Variants in MACROD2 observed in about 807,000 individuals in gnomAD.
The protein encoded by MACROD2 is ADP-ribose glycohydrolase MACROD2.
MACROD2 carries 36 observed loss-of-function variants against 70.4 expected under a neutral mutation model. The ratio of observed to expected loss-of-function variants is 0.51; its 90% CI spans 0.39 to 0.68. The LOEUF (loss-of-function observed/expected upper bound fraction) is 0.68, where lower values mean the gene tolerates loss of function less well. Among genes scored for constraint, MACROD2 ranks in the 30% least tolerant of loss-of-function variants. The probability of loss-of-function intolerance (pLI) is 0.00; values close to 1 mark genes in which losing one functional copy is unlikely to be tolerated. For missense variants in MACROD2, 496 were observed against 538.4 expected, an observed-to-expected ratio of 0.92 and a Z score of 0.78; for synonymous variants, 172 against 178.8, an observed-to-expected ratio of 0.96 and a Z score of 0.30.
At chr20:15,771,812 C>T (rs924831840) in intron 8 of MACROD2, among the ~76,000 whole-genome samples, 26 of 151,712 alleles carry the variant, frequency 1.7e-4, no homozygotes, top group African/African-American at 3.6e-4. Flanking sequence ...GGGCCAGGCA[C>T]GGTGGCTCAT....
At chr20:14,944,968 G>T (rs769220623) in intron 5 of MACROD2, among the ~76,000 whole-genome samples, 1 of 152,054 alleles carries the variant, frequency 6.6e-6, no homozygotes, top group Non-Finnish European at 1.5e-5. Flanking sequence ...GCTATTTCTG[G>T]TGTCTCTTCA....
chr20:15,201,924 T>C (rs1488694963), intron 5 of MACROD2, among the ~76,000 whole-genome samples: 3 of 152,182 alleles, frequency 2.0e-5, no homozygotes, highest in African/African-American at 7.2e-5. Flanking sequence ...AGCTGAACAC[T>C]GAATCCCAGT....
chr20:14,684,648 A>ACCCCCCCCCCCCC (rs11467642), intron 4 of MACROD2, among the ~76,000 whole-genome samples, 195 bp from the exon 5 acceptor site: 2 of 134,848 alleles, frequency 1.5e-5, no homozygotes, highest in Non-Finnish European at 3.3e-5. Context: ...ACATAACCTC[A>ACCCCCCCCCCCCC]CCCCCCCCCC....
At chr20:14,744,357 T>G (rs1472867253) in intron 5 of MACROD2, among the ~76,000 whole-genome samples, 1 of 152,208 alleles carries the variant, frequency 6.6e-6, no homozygotes, top group Non-Finnish European at 1.5e-5. Context: ...TTGTATGTAT[T>G]TACCATGTAC....
intron 8 of MACROD2, among the ~76,000 whole-genome samples, chr20:15,548,430 T>G (rs890700833): frequency 2.6e-5 from 4 of 152,160 alleles, no homozygotes; most frequent in African/African-American, 2.4e-5. Flanking sequence ...AATCTCACTC[T>G]GTCACCCCAG....
At chr20:14,926,487 T>C (rs1600834733) in intron 5 of MACROD2, among the ~76,000 whole-genome samples, 1 of 151,550 alleles carries the variant, frequency 6.6e-6, no homozygotes, top group African/African-American at 2.4e-5. Context: ...GAGGCAGAGG[T>C]TGCAGTGAGC....
chr20:15,983,269 A>G (rs180916896), intron 13 of MACROD2, among the ~76,000 whole-genome samples: 70 of 152,342 alleles, frequency 4.6e-4, no homozygotes, highest in African/African-American at 1.6e-3. Context: ...TGAAAGACCT[A>G]TAAGGGGCTT....
chr20:15,107,982 T>G (rs907841928), intron 5 of MACROD2, among the ~76,000 whole-genome samples: 1 of 115,514 alleles, frequency 8.7e-6, no homozygotes, highest in African/African-American at 2.9e-5. Context: ...GAGAGCAAGC[T>G]CTTTTTTTTT....
At chr20:14,859,767 A>T (rs1230339606) in intron 5 of MACROD2, among the ~76,000 whole-genome samples, 1 of 152,148 alleles carries the variant, frequency 6.6e-6, no homozygotes, top group African/African-American at 2.4e-5. Flanking sequence ...TAGCTCTGTA[A>T]ATATCATTTA....
At chr20:14,986,998 A>G (rs1246661410) in intron 5 of MACROD2, among the ~76,000 whole-genome samples, 1 of 152,176 alleles carries the variant, frequency 6.6e-6, no homozygotes, top group East Asian at 1.9e-4. Context: ...CCTGCATACA[A>G]ATGAGGAGTG....
At chr20:15,623,967 G>A (rs1458335456) in intron 8 of MACROD2, among the ~76,000 whole-genome samples, 1 of 152,104 alleles carries the variant, frequency 6.6e-6, no homozygotes, top group Non-Finnish European at 1.5e-5. Flanking sequence ...TGACTCACTC[G>A]ATCACAAAGT....
At chr20:15,297,434 C>A (rs992898392) in intron 6 of MACROD2, among the ~76,000 whole-genome samples, 3 of 152,078 alleles carry the variant, frequency 2.0e-5, no homozygotes, top group African/African-American at 4.8e-5. Flanking sequence ...TTAAGAAGAT[C>A]ACAAAAATCA....
At chr20:14,602,172 G>A (rs1194333149) in intron 4 of MACROD2, among the ~76,000 whole-genome samples, 1 of 152,102 alleles carries the variant, frequency 6.6e-6, no homozygotes, top group Non-Finnish European at 1.5e-5. Flanking sequence ...GCAAAGAGAG[G>A]GGTTCTGTAA....
chr20:15,844,256 G>A (rs1217653000), intron 8 of MACROD2, among the ~76,000 whole-genome samples: 1 of 152,018 alleles, frequency 6.6e-6, no homozygotes, highest in African/African-American at 2.4e-5. Flanking sequence ...AGTTATGAGA[G>A]ATGCTATGGT....
intron 4 of MACROD2, among the ~76,000 whole-genome samples, chr20:14,619,434 GGAGGGAGGGAGGAAGGGA>G (rs1300710400): frequency 2.5e-3 from 8 of 3,174 alleles, no homozygotes; most frequent in East Asian, 7.9e-3. Flanking sequence ...AGGAAGGAAG[GGAGGGAGGGAGGAAGGGA>G]AGGGAGGGGA....
At chr20:15,344,557 A>G (rs2078144203) in intron 6 of MACROD2, among the ~76,000 whole-genome samples, 1 of 152,118 alleles carries the variant, frequency 6.6e-6, no homozygotes, top group South Asian at 2.1e-4. Flanking sequence ...TTTTTCGTAT[A>G]GAAACAATTA....
At chr20:14,437,559 A>ACTC (rs1278397314) in intron 3 of MACROD2, among the ~76,000 whole-genome samples, 1 of 152,080 alleles carries the variant, frequency 6.6e-6, no homozygotes, top group Non-Finnish European at 1.5e-5. Flanking sequence ...ATGCCATTGT[A>ACTC]CTCCAGCCTG....
chr20:15,570,511 G>A (rs1023574249), intron 8 of MACROD2, among the ~76,000 whole-genome samples: 1 of 152,146 alleles, frequency 6.6e-6, no homozygotes, highest in Non-Finnish European at 1.5e-5. Context: ...GCTCAAGCAA[G>A]AAAAGAAATT....
chr20:15,071,579 T>G (rs1467050946), intron 5 of MACROD2, among the ~76,000 whole-genome samples: 1 of 152,238 alleles, frequency 6.6e-6, no homozygotes, highest in Non-Finnish European at 1.5e-5. Context: ...TTTGCCTATA[T>G]GCATACTAAA....
Sources: allele counts gnomAD v4.1 joint callset (sites outside exome capture counted in the v4.1 genomes callset), GRCh38; gene constraint gnomAD v4.1.1; transcripts MANE v1.5; gene names NCBI Gene and HGNC (gene_info 2026-07-23, HGNC 2026-07-21).